ARSG: variants seen among roughly 807,000 people sequenced by gnomAD.
The protein encoded by ARSG is ASG.
In ARSG, 37 loss-of-function variants were observed where a neutral mutation model predicts 50.5. The ratio of observed to expected loss-of-function variants is 0.73; its 90% confidence interval spans 0.56 to 0.96. The LOEUF is 0.96. Among genes scored for constraint, ARSG ranks in the 50% least tolerant of loss-of-function variants. The pLI is 0.00. For missense variants in ARSG, 629 were observed against 675.3 expected (o/e 0.93, Z 0.76); for synonymous variants, 225 against 254.6 (o/e 0.88, Z 1.11).
chr17:68,283,962 G>A (rs988355319), intron 1 of ARSG, among the ~76,000 whole-genome samples: 1 of 150,668 alleles, frequency 6.6e-6, no homozygotes, highest in African/African-American at 2.4e-5. Context: ...GTAGTAGCAC[G>A]AGCCTGTTAT....
At chr17:68,426,731 C>T (rs951463497), downstream of ARSG, among the ~76,000 whole-genome samples, 2 of 152,126 alleles carry the variant, frequency 1.3e-5, no homozygotes, top group African/African-American at 4.8e-5. Context: ...GATGGGGTTT[C>T]ACCATGTTGG....
At chr17:68,333,235 T>A (rs571333028) in intron 2 of ARSG, among the ~76,000 whole-genome samples, 110 of 152,242 alleles carry the variant, frequency 7.2e-4, no homozygotes, top group African/African-American at 2.5e-3. Context: ...GGTAGGAGAA[T>A]GGCGTGAACG....
upstream of ARSG, among the ~76,000 whole-genome samples, chr17:68,286,540 T>G (rs2075846293): frequency 6.6e-6 from 1 of 152,176 alleles, no homozygotes; most frequent in African/African-American, 2.4e-5. Context: ...AGTCTTGCTA[T>G]GTCACCTAGG....
At chr17:68,283,870 C>G (rs1302460109) in intron 1 of ARSG, among the ~76,000 whole-genome samples, 1 of 117,524 alleles carries the variant, frequency 8.5e-6, no homozygotes, top group African/African-American at 3.0e-5. Flanking sequence ...AAGAGCAAAA[C>G]TCCGTCTCAA....
rs201684893 is a variant in ARSG at position 68,270,415 on chromosome 17, G to A, written c.-552+10989G>A. 3.9e-4 allele frequency among the ~76,000 whole-genome samples: 59 copies of A among 152,178 alleles called. No individual in the cohort carries two copies. The East Asian group carries it at 0.01, about 26-fold the overall frequency. On this transcript the variant is annotated intron_variant, in intron 1 of 11. Coordinates refer to the ARSG transcript ENST00000448504. ...CTAAAAATACAAAAATTAGCCAGGCGTGGTGGTGGGTGCCTGTAGTCCCAG... is the reference window on the plus strand; with the variant it reads ...CTAAAAATACAAAAATTAGCCAGGCATGGTGGTGGGTGCCTGTAGTCCCAG...
At chr17:68,296,097 C>G (rs1157734500) in intron 1 of ARSG, among the ~76,000 whole-genome samples, 29 of 152,176 alleles carry the variant, frequency 1.9e-4, no homozygotes, top group Admixed American at 1.9e-3. Flanking sequence ...CTCCAAATCT[C>G]AGAACAAAAT....
chr17:68,279,761 C>T (rs2075633931), intron 1 of ARSG, among the ~76,000 whole-genome samples: 1 of 152,148 alleles, frequency 6.6e-6, no homozygotes, highest in Non-Finnish European at 1.5e-5. Flanking sequence ...TTTTTCAAAG[C>T]CTCTGTAATT....
At chr17:68,435,469 G>C in the ARSG span, 1 of 747,878 alleles carries the variant, frequency 1.3e-6, no homozygotes, top group East Asian at 2.5e-5. Flanking sequence ...CACACATGCA[G>C]AGGCCAGAAA....
intron 6 of ARSG, among the ~76,000 whole-genome samples, chr17:68,361,457 TA>T (rs1233271949): frequency 1.3e-5 from 2 of 152,126 alleles, no homozygotes; most frequent in African/African-American, 4.8e-5. Flanking sequence ...CTCATGCCTG[TA>T]ATCCCAACAC....
At chr17:68,343,932 T>A in intron 3 of ARSG, 141 bp downstream of exon 3, 1 of 845,844 alleles carries the variant, frequency 1.2e-6, no homozygotes, top group Non-Finnish European at 1.8e-6. Flanking sequence ...TATAAGGAAC[T>A]GAAAAGACCT....
intron 2 of ARSG, among the ~76,000 whole-genome samples, chr17:68,334,153 A>C (rs1432185671): frequency 1.3e-5 from 2 of 152,100 alleles, no homozygotes. Context: ...TGGCAGAAAG[A>C]GGGATCAATG....
the ARSG span, among the ~76,000 whole-genome samples, chr17:68,448,685 T>C: frequency 6.6e-6 from 1 of 152,230 alleles, no homozygotes; most frequent in Non-Finnish European, 1.5e-5. Context: ...ACAGATCATT[T>C]GCCTAAACAA....
At chr17:68,450,612 C>T in the ARSG span, 8 of 1,363,608 alleles carry the variant, frequency 5.9e-6, no homozygotes, top group African/African-American at 5.9e-5. Flanking sequence ...TGAGTGTTAA[C>T]ATTCTCATTA....
In ARSG at chr17:68,367,616, C is replaced by G. The variant is rs2079608496; in HGVS notation, c.705-932C>G. 6.6e-6 allele frequency among the ~76,000 whole-genome samples: 1 copy of G among 152,162 alleles called. No homozygotes were observed. Among genetic ancestry groups the G allele is most frequent in the Non-Finnish European group, 1.5e-5 (1 of 68,034 alleles). On this transcript the variant is annotated intron_variant, in intron 6 of 11. Coordinates refer to ENST00000621439, the MANE Select transcript of ARSG (RefSeq NM_001267727.2). The surrounding 1 kb of genome is among the most constrained non-coding windows in gnomAD (Gnocchi z 4.5). Reference sequence around the variant, plus strand: ...TGCTTGGAAGCCACGCCAGCTCCCTCCAAGCCTTTCATTCTGCACTTTCCA... The same window carrying G: ...TGCTTGGAAGCCACGCCAGCTCCCTGCAAGCCTTTCATTCTGCACTTTCCA...
intron 6 of ARSG, among the ~76,000 whole-genome samples, chr17:68,358,363 GAC>G (rs1375438089): frequency 6.6e-6 from 1 of 151,860 alleles, no homozygotes; most frequent in East Asian, 1.9e-4. Flanking sequence ...GACTAGCCTG[GAC>G]AACCTGGTGA....
chr17:68,433,400 G>T, the ARSG span: 1 of 1,338,946 alleles, frequency 7.5e-7, no homozygotes, highest in Non-Finnish European at 1.1e-6. Context: ...GATCATTCAT[G>T]CCAGTAGAAG....
chr17:68,438,245 C>CAGCCCTGT, the ARSG span, among the ~76,000 whole-genome samples: 3 of 152,158 alleles, frequency 2.0e-5, no homozygotes, highest in Non-Finnish European at 2.9e-5. Flanking sequence ...CACGTTCTGG[C>CAGCCCTGT]AGCCCTGCCA....
downstream of ARSG, chr17:68,426,281 G>C: frequency 2.3e-6 from 2 of 864,812 alleles, no homozygotes; most frequent in South Asian, 1.5e-5. Context: ...AGGAAGCAAA[G>C]GGGCTGTCTG....
chr17:68,434,323 A>AT, the ARSG span, among the ~76,000 whole-genome samples: 1 of 152,134 alleles, frequency 6.6e-6, no homozygotes, highest in Admixed American at 6.6e-5. Context: ...CCGCCCACAC[A>AT]CACATCAAAA....
Sources: gnomAD v4.1 joint callset for allele counts (sites outside exome capture counted in the v4.1 genomes callset) on GRCh38, gnomAD v4.1.1 for gene constraint, Gnocchi (gnomAD v3.1) non-coding constraint, MANE v1.5 for transcripts, NCBI Gene and HGNC (gene_info 2026-07-23, HGNC 2026-07-21) for gene names.